STK32B: variants seen among roughly 807,000 people sequenced by gnomAD.
STK32B encodes serine/threonine-protein kinase 32B.
STK32B carries 43 observed loss-of-function variants against 52.6 expected under a neutral mutation model. The ratio of observed to expected loss-of-function variants is 0.82; its 90% CI spans 0.64 to 1.05. STK32B has a LOEUF of 1.05. Among genes scored for constraint, STK32B ranks in the 50% least tolerant of loss-of-function variants. The pLI is 0.00. For missense variants in STK32B, 621 were observed against 534.6 expected, an observed-to-expected ratio of 1.16 and a Z score of -1.59; for synonymous variants, 238 against 204.3, an observed-to-expected ratio of 1.17 and a Z score of -1.41.
rs750574751 is a variant in STK32B at position 5,399,072 on chromosome 4, C to T, written c.472+828C>T. The stretch of plus-strand genomic sequence containing the variant: ...AAGTTTAAGAACCATGAGCCTAGGG[C>T]TCAGATCAAGAATGCTCAGTGGACT... On this transcript the variant is annotated intron_variant, in intron 5 of 11. Coordinates refer to ENST00000282908, the MANE Select transcript of STK32B (RefSeq NM_018401.3). The surrounding 1 kb of genome is among the most constrained non-coding windows in gnomAD (Gnocchi z 5.4). Among the ~76,000 whole-genome samples the T allele has an allele frequency of 3.3e-5, 5 of 150,796 alleles. No individual in the cohort carries two copies. Among genetic ancestry groups the T allele is most frequent in the Non-Finnish European group, 7.5e-5 (5 of 67,004 alleles).
At chr4:5,265,284 C>G (rs1394553356) in intron 3 of STK32B, among the ~76,000 whole-genome samples, 1 of 152,214 alleles carries the variant, frequency 6.6e-6, no homozygotes, top group East Asian at 1.9e-4. Flanking sequence ...TCTACAACTC[C>G]TGAGAGTAGC....
At chr4:5,108,199 T>C (rs1479319594) in intron 1 of STK32B, among the ~76,000 whole-genome samples, 1 of 152,236 alleles carries the variant, frequency 6.6e-6, no homozygotes, top group South Asian at 2.1e-4. Flanking sequence ...CTGATTCACA[T>C]AGTTGTAAAT....
chr4:5,137,578 T>G (rs925719192), intron 1 of STK32B, among the ~76,000 whole-genome samples: 1 of 152,086 alleles, frequency 6.6e-6, no homozygotes, highest in African/African-American at 2.4e-5. Flanking sequence ...TCTGAGCTCT[T>G]TATGGAATGT....
intron 4 of STK32B, among the ~76,000 whole-genome samples, chr4:5,365,107 C>T (rs1440399398): frequency 6.6e-6 from 1 of 152,074 alleles, no homozygotes; most frequent in Non-Finnish European, 1.5e-5. Context: ...AACTCCTGAC[C>T]TCAGGTGATC....
At chr4:5,192,889 G>C (rs1721333074) in intron 3 of STK32B, among the ~76,000 whole-genome samples, 1 of 152,132 alleles carries the variant, frequency 6.6e-6, no homozygotes, top group Admixed American at 6.5e-5. Flanking sequence ...CCCAGCCCCT[G>C]GCACCCTCCG....
At position 5,195,186 on chromosome 4, in the gene STK32B, G is replaced by A. The variant is rs142013518; in HGVS notation, c.260+26736G>A. Among the ~76,000 whole-genome samples, 409 of 152,186 alleles carry A rather than the reference G, an allele frequency of 2.7e-3. 2 individuals carry two copies. The highest frequency in any genetic ancestry group is 9.4e-3 in the African/African-American group (389 of 41,520). ...AACTCCTGGGCTCAAGCAGTCCTCC[G>A]GCCTCAGACTATATTTTCTTTGTGA... On this transcript the variant is annotated intron_variant, in intron 3 of 11. Transcript: ENST00000282908.
chr4:5,450,752 A>T (rs570439020), intron 7 of STK32B, among the ~76,000 whole-genome samples: 1 of 152,200 alleles, frequency 6.6e-6, no homozygotes, highest in African/African-American at 2.4e-5. Flanking sequence ...TTAATTACCC[A>T]GCTCCAAGAC....
intron 4 of STK32B, among the ~76,000 whole-genome samples, chr4:5,389,950 G>A (rs1736497122): frequency 6.6e-6 from 1 of 152,228 alleles, no homozygotes; most frequent in South Asian, 2.1e-4. Flanking sequence ...AGAGGTGGGA[G>A]TGCCGCAAGG....
intron 5 of STK32B, among the ~76,000 whole-genome samples, chr4:5,415,659 A>C (rs1391325623): frequency 6.6e-6 from 1 of 152,204 alleles, no homozygotes; most frequent in African/African-American, 2.4e-5. Context: ...ATCCTCACTG[A>C]ATAAATACCT....
intron 1 of STK32B, among the ~76,000 whole-genome samples, chr4:5,060,360 T>A (rs1328977442): frequency 6.6e-6 from 1 of 152,244 alleles, no homozygotes; most frequent in Non-Finnish European, 1.5e-5. Context: ...TCTGTAGTGA[T>A]AACTCCTTTT....
rs1455983512 is a variant in STK32B, at chr4:5,453,930, C to T, written c.667-2877C>T. Among the ~76,000 whole-genome samples the T allele has an allele frequency of 7.2e-5, 11 of 152,176 alleles. No homozygotes were observed. In the East Asian group the frequency reaches 2.1e-3, roughly 30 times the overall value. ...AAAAAAAAAGAAGTCCAAAACTGAA[C>T]TCAGCCCCAGCTCATCTCCCAGTGG... On this transcript the variant is annotated intron_variant, in intron 7 of 11. Transcript: ENST00000282908. This position sits in a 1 kb window ranked among gnomAD's most constrained non-coding sequence, Gnocchi z 4.0.
intron 3 of STK32B, among the ~76,000 whole-genome samples, chr4:5,222,603 G>T (rs1723609815): frequency 6.6e-6 from 1 of 152,152 alleles, no homozygotes; most frequent in Admixed American, 6.5e-5. Context: ...TCTGTTCCTT[G>T]GGACTTCAGG....
chr4:5,090,809 A>G (rs1336060353), intron 1 of STK32B, among the ~76,000 whole-genome samples: 1 of 152,192 alleles, frequency 6.6e-6, no homozygotes, highest in Admixed American at 6.5e-5. Flanking sequence ...CAGTTTGTGG[A>G]AGATCAGATG....
the STK32B span, among the ~76,000 whole-genome samples, chr4:5,035,778 TAA>T: frequency 6.6e-6 from 1 of 150,482 alleles, no homozygotes; most frequent in Non-Finnish European, 1.5e-5. Flanking sequence ...AAAGGATCTG[TAA>T]ATTTTTTTTT....
At chr4:5,210,637 T>G (rs1722850835) in intron 3 of STK32B, among the ~76,000 whole-genome samples, 1 of 152,134 alleles carries the variant, frequency 6.6e-6, no homozygotes, top group Non-Finnish European at 1.5e-5. Context: ...TGAAGTCCAC[T>G]GTTATGAGCC....
intron 3 of STK32B, among the ~76,000 whole-genome samples, chr4:5,311,902 T>TTATATATATA (rs34791295): frequency 1.5e-4 from 21 of 137,648 alleles, no homozygotes; most frequent in African/African-American, 6.1e-4. Context: ...GTGCATACTT[T>TTATATATATA]TATATATATA....
At chr4:5,089,037 C>T (rs1179520092) in intron 1 of STK32B, among the ~76,000 whole-genome samples, 1 of 151,806 alleles carries the variant, frequency 6.6e-6, no homozygotes, top group Non-Finnish European at 1.5e-5. Flanking sequence ...ACAAAATTGT[C>T]AAGCCTTTTA....
chr4:5,360,048 G>A (rs1734444267), intron 4 of STK32B, among the ~76,000 whole-genome samples: 1 of 152,170 alleles, frequency 6.6e-6, no homozygotes, highest in Non-Finnish European at 1.5e-5. Flanking sequence ...GGAGAGTGAA[G>A]CAGCCTTTCT....
the STK32B span, among the ~76,000 whole-genome samples, chr4:5,035,842 C>T: frequency 7.4e-5 from 11 of 148,846 alleles, no homozygotes; most frequent in African/African-American, 2.5e-4. Context: ...AGTGCAGTGG[C>T]GCGATCTTGG....
Sources: allele counts gnomAD v4.1 joint callset (sites outside exome capture counted in the v4.1 genomes callset), GRCh38; gene constraint gnomAD v4.1.1; non-coding constraint Gnocchi (gnomAD v3.1); transcripts MANE v1.5; gene names NCBI Gene and HGNC (gene_info 2026-07-23, HGNC 2026-07-21).